The following HIBADH variants were observed in gnomAD, a reference collection of about 807,000 sequenced individuals.
HIBADH encodes the protein 3-hydroxyisobutyrate dehydrogenase, also known as 3-hydroxyisobutyrate dehydrogenase, mitochondrial.
A neutral mutation model predicts 36.1 loss-of-function variants in HIBADH; 25 were observed. The observed-to-expected ratio is 0.69, with a 90% CI of 0.50 to 0.97. The LOEUF is 0.97. Among genes scored for constraint, HIBADH ranks in the 50% least tolerant of loss-of-function variants. HIBADH has a pLI of 0.00. For synonymous variants in HIBADH, 160 were observed against 149.5 expected, an observed-to-expected ratio of 1.07 and a Z score of -0.51; for missense variants, 421 against 418.0, an observed-to-expected ratio of 1.01 and a Z score of -0.06.
intron 4 of HIBADH, among the ~76,000 whole-genome samples, chr7:27,593,178 C>T (rs1415611177): frequency 2.0e-5 from 3 of 152,082 alleles, no homozygotes; most frequent in East Asian, 1.9e-4. Flanking sequence ...ATCTGAAATC[C>T]GAAATGCTCC....
At chr7:27,554,369 A>T (rs990096504) in intron 4 of HIBADH, among the ~76,000 whole-genome samples, 1 of 152,244 alleles carries the variant, frequency 6.6e-6, no homozygotes, top group Non-Finnish European at 1.5e-5. Context: ...TACTTTCTTT[A>T]GGCAACACGT....
chr7:27,622,470 A>T (rs972775576), intron 4 of HIBADH, among the ~76,000 whole-genome samples: 5 of 152,152 alleles, frequency 3.3e-5, no homozygotes, highest in African/African-American at 7.2e-5. Flanking sequence ...AGACTTAAAA[A>T]TACAAAGGAT....
At chr7:27,569,789 TC>T (rs1403988730) in intron 4 of HIBADH, among the ~76,000 whole-genome samples, 2 of 152,052 alleles carry the variant, frequency 1.3e-5, no homozygotes, top group African/African-American at 2.4e-5. Flanking sequence ...TAGGAATCAT[TC>T]TACACTGTTT....
At chr7:27,534,283 TA>T (rs1238087447) in intron 6 of HIBADH, among the ~76,000 whole-genome samples, 1 of 151,956 alleles carries the variant, frequency 6.6e-6, no homozygotes, top group African/African-American at 2.4e-5. Context: ...AAGAACGAAA[TA>T]AATTATGTCA....
chr7:27,649,216 C>T, intron 2 of HIBADH: 2 of 314,676 alleles, frequency 6.4e-6, no homozygotes, highest in Non-Finnish European at 1.2e-5. Flanking sequence ...TGATACAGAG[C>T]TAAAACAAGG....
intron 4 of HIBADH, among the ~76,000 whole-genome samples, chr7:27,624,366 TCTC>T (rs1785602183): frequency 6.6e-6 from 1 of 152,132 alleles, no homozygotes; most frequent in African/African-American, 2.4e-5. Context: ...TTACAATAAT[TCTC>T]CTTCAGAAAG....
chr7:27,620,430 G>A (rs1785517821), intron 4 of HIBADH, among the ~76,000 whole-genome samples: 1 of 151,798 alleles, frequency 6.6e-6, no homozygotes, highest in South Asian at 2.1e-4. Flanking sequence ...AAACTTTATA[G>A]ACCAGAAGAG....
intron 6 of HIBADH, among the ~76,000 whole-genome samples, chr7:27,533,266 C>G (rs1784027555): frequency 6.6e-6 from 1 of 152,078 alleles, no homozygotes; most frequent in South Asian, 2.1e-4. Flanking sequence ...TTGTAAAACC[C>G]TACATTTTTC....
At chr7:27,608,945 C>T (rs1785278904) in intron 4 of HIBADH, among the ~76,000 whole-genome samples, 2 of 152,206 alleles carry the variant, frequency 1.3e-5, no homozygotes, top group South Asian at 4.1e-4. Context: ...TCCCCCTCTA[C>T]CACAGAATAG....
intron 4 of HIBADH, among the ~76,000 whole-genome samples, chr7:27,623,032 A>T (rs1267170920): frequency 6.6e-6 from 1 of 152,206 alleles, no homozygotes; most frequent in African/African-American, 2.4e-5. Flanking sequence ...TAGCAAACAG[A>T]ATCCAGTAGC....
rs1010629708 is a variant in HIBADH, at chr7:27,625,491, T to C, written c.484+3880A>G. ...GGAGTTAAACTTAAAAAAAAAAGCA[T>C]GGGAATGAGACATAAAATTCAGGAT... On this transcript the variant is annotated intron_variant, in intron 4 of 7. Transcript: ENST00000265395. Among the ~76,000 whole-genome samples, 4 of 149,662 alleles carry C rather than the reference T, an allele frequency of 2.7e-5. No individual in the cohort carries two copies. The Middle Eastern group carries it at 0.01, about 392-fold the overall frequency.
At chr7:27,558,855 C>T (rs1784428630) in intron 4 of HIBADH, among the ~76,000 whole-genome samples, 2 of 152,112 alleles carry the variant, frequency 1.3e-5, no homozygotes, top group African/African-American at 4.8e-5. Flanking sequence ...TAGCTTAAAA[C>T]TTCTCTGATC....
intron 4 of HIBADH, among the ~76,000 whole-genome samples, chr7:27,614,537 T>C (rs1785392726): frequency 6.6e-6 from 1 of 152,190 alleles, no homozygotes; most frequent in African/African-American, 2.4e-5. Flanking sequence ...TAAAATTAAA[T>C]AAGACATGGT....
At chr7:27,633,249 C>G (rs190085853) in intron 2 of HIBADH, among the ~76,000 whole-genome samples, 127 of 152,266 alleles carry the variant, frequency 8.3e-4, no homozygotes, top group Non-Finnish European at 1.7e-3. Context: ...ATCCCCCATC[C>G]CCAGCTCTCT....
At chr7:27,586,325 C>T (rs1784861431) in intron 4 of HIBADH, among the ~76,000 whole-genome samples, 1 of 117,422 alleles carries the variant, frequency 8.5e-6, no homozygotes, top group Non-Finnish European at 1.6e-5. Context: ...CAGTGTAGAG[C>T]AATGTGGAAA....
chr7:27,552,264 T>C (rs1354151280), intron 4 of HIBADH, among the ~76,000 whole-genome samples: 2 of 152,160 alleles, frequency 1.3e-5, no homozygotes, highest in Non-Finnish European at 2.9e-5. Context: ...TGAATGGCTT[T>C]GCACATGTTA....
chr7:27,583,629 C>T (rs1003253260), intron 4 of HIBADH, among the ~76,000 whole-genome samples: 15 of 151,990 alleles, frequency 9.9e-5, no homozygotes, highest in African/African-American at 3.6e-4. Context: ...ATCTACATCA[C>T]TGATTCATAA....
At chr7:27,645,380 T>G (rs1335062975) in intron 2 of HIBADH, among the ~76,000 whole-genome samples, 1 of 128,758 alleles carries the variant, frequency 7.8e-6, no homozygotes, top group African/African-American at 3.1e-5. Flanking sequence ...TTTTTTTTTT[T>G]TTTTTTTTTT....
chr7:27,643,815 C>T (rs1583616471), intron 2 of HIBADH, among the ~76,000 whole-genome samples: 1 of 152,170 alleles, frequency 6.6e-6, no homozygotes, highest in East Asian at 1.9e-4. Flanking sequence ...CTGATGGCTC[C>T]TGATATTTTC....
Sources: allele counts gnomAD v4.1 joint callset (sites outside exome capture counted in the v4.1 genomes callset), GRCh38; gene constraint gnomAD v4.1.1; transcripts MANE v1.5; gene names NCBI Gene and HGNC (gene_info 2026-07-23, HGNC 2026-07-21).